SCARF2: variants seen among roughly 807,000 people sequenced by gnomAD.
The protein encoded by SCARF2 is scavenger receptor expressed by endothelial cells 2 protein.
SCARF2 carries 39 observed loss-of-function variants against 73.4 expected under a neutral mutation model. The ratio of observed to expected loss-of-function variants is 0.53; its 90% CI spans 0.41 to 0.69. The LOEUF (loss-of-function observed/expected upper bound fraction) is 0.69, where lower values mean the gene tolerates loss of function less well. Among genes scored for constraint, SCARF2 ranks in the 30% least tolerant of loss-of-function variants. The pLI, the probability that SCARF2 is intolerant of heterozygous loss-of-function variation, is 0.00. For missense variants in SCARF2, 1,148 were observed against 1,303.5 expected, an observed-to-expected ratio of 0.88 and a Z score of 1.84; for synonymous variants, 605 against 590.0, an observed-to-expected ratio of 1.03 and a Z score of -0.37.
In SCARF2 at chr22:20,437,592, G is replaced by C. The variant is rs377462140; in HGVS notation, c.163C>G (p.Arg55Gly). 31 of 1,574,226 alleles carry C rather than the reference G, an allele frequency of 2.0e-5. No individual in the cohort carries two copies. The highest frequency in any genetic ancestry group is 7.0e-5 in the East Asian group (3 of 42,964). ...CAGGCCGGCTCCTACCCGGGAGCAC[G>C]GCACACGTTGCGGCCGCGAGGGTTC... ...ELNPRGRNVC[R>G]APGSQVPTCC... Residue 55 changes from arginine (R) to glycine (G), a missense_variant, in exon 1 of 11, where the codon CGT becomes GGT. By Grantham distance (125) the Arg-to-Gly change is moderately radical (BLOSUM62 -2). Coordinates refer to ENST00000622235, the MANE Select transcript of SCARF2 (RefSeq NM_182895.5).
At chr22:20,428,751 C>G (rs995409645) in intron 9 of SCARF2, among the ~76,000 whole-genome samples, 1 of 152,160 alleles carries the variant, frequency 6.6e-6, no homozygotes, top group Non-Finnish European at 1.5e-5. Flanking sequence ...CACCCCACCC[C>G]CCTATCCTGT....
intron 1 of SCARF2, among the ~76,000 whole-genome samples, chr22:20,435,093 C>T (rs943560787): frequency 3.3e-5 from 5 of 152,192 alleles, no homozygotes; most frequent in African/African-American, 1.2e-4. Context: ...AAGGAGACCT[C>T]ATGGGCCTCA....
Position 20,432,318 on chromosome 22 carries a change from A to G in SCARF2, c.174-330T>C, listed in dbSNP as rs975996281. Among the ~76,000 whole-genome samples, 10 of 152,200 alleles carry G rather than the reference A, an allele frequency of 6.6e-5. No homozygotes were observed. In the South Asian group the frequency reaches 2.1e-3, roughly 31 times the overall value. ...TGAGGCAGCAGCCAGGGAGAAGACCATGGGCCTCAGGACCTGCCCAAATGT... is the reference window on the plus strand; with the variant it reads ...TGAGGCAGCAGCCAGGGAGAAGACCGTGGGCCTCAGGACCTGCCCAAATGT... On this transcript the variant is annotated intron_variant, in intron 1 of 10. Coordinates refer to ENST00000622235, the MANE Select transcript of SCARF2 (RefSeq NM_182895.5).
intron 9 of SCARF2, 76 bp from the exon 10 acceptor site, chr22:20,427,626 A>G (rs763480913): frequency 6.4e-6 from 10 of 1,558,718 alleles, no homozygotes; most frequent in Admixed American, 1.8e-5. Flanking sequence ...CTGCTGTGAC[A>G]AATGTTGATG....
chr22:20,436,637 G>T (rs1362772851), intron 1 of SCARF2, among the ~76,000 whole-genome samples: 1 of 152,118 alleles, frequency 6.6e-6, no homozygotes, highest in African/African-American at 2.4e-5. Context: ...GCCCCGACGC[G>T]ACCCAGCTCG....
chr22:20,431,734 C>T lies in SCARF2; in HGVS notation c.334+11G>A. 5 of 1,561,966 alleles carry T rather than the reference C, an allele frequency of 3.2e-6. No individual in the cohort carries two copies. The highest frequency in any genetic ancestry group is 1.8e-4 in the Middle Eastern group (1 of 5,700). On this transcript the variant is annotated intron_variant, in intron 3 of 10. Transcript: ENST00000622235. ...CCCCACCGACCAATACCGGCCCGAC[C>T]CCACGCTCACTGGTGTCGCAGTTGG... is the stretch of plus-strand genomic sequence containing the variant.
In SCARF2 at chr22:20,425,203, A is replaced by G; in HGVS notation, c.*172T>C. 1 of 496,256 alleles carries G rather than the reference A, an allele frequency of 2.0e-6. No homozygotes were observed. Among genetic ancestry groups the G allele is most frequent in the Non-Finnish European group, 3.2e-6 (1 of 311,792 alleles). The allele number at this position is 496,256 out of a possible 1,614,324, so 30.7% of individuals were successfully genotyped here. On this transcript the variant is annotated 3_prime_UTR_variant, in exon 11 of 11. Coordinates refer to ENST00000622235, the MANE Select transcript of SCARF2 (RefSeq NM_182895.5). The surrounding 1 kb of genome is among the most constrained non-coding windows in gnomAD (Gnocchi z 4.6). ...GGATGGGCCCTTCCCGCCAGAGCAC[A>G]CTGCTCCAATCCAGGAGCGGCTGCA...
At chr22:20,427,293 C>A in intron 10 of SCARF2, 105 bp downstream of exon 10, 1 of 1,412,432 alleles carries the variant, frequency 7.1e-7, no homozygotes, top group Non-Finnish European at 9.8e-7. Context: ...CCAAGGCCTT[C>A]CTCTCCATGC....
intron 3 of SCARF2, 75 bp from the exon 4 acceptor site, chr22:20,431,612 G>A (rs980332550): frequency 6.5e-7 from 1 of 1,542,380 alleles, no homozygotes; most frequent in Non-Finnish European, 8.7e-7. Context: ...GAACCTGCCC[G>A]CGTCCCGCAC....
rs772227736 is a variant in SCARF2 at position 20,427,424 on chromosome 22, C to T, written c.1667G>A (p.Gly556Asp). The T allele has an allele frequency of 7.4e-6, 12 of 1,614,092 alleles. No homozygotes were observed. In the Admixed American group the frequency reaches 1.7e-4, roughly 22 times the overall value. Residue 556 changes from glycine to aspartate, a missense_variant, in exon 10 of 11, where the codon GGC becomes GAC. Gly to Asp is a moderately conservative substitution (Grantham distance 94). Coordinates refer to ENST00000622235, the MANE Select transcript of SCARF2 (RefSeq NM_182895.5). ...CTCATGGGGTACACAGTACACAGGG[C>T]CTTCATCAGTGGTGTCAAACGAGGA... is the stretch of plus-strand genomic sequence containing the variant. Reference protein sequence around the residue: ...SFSSFDTTDEGPVYCVPHEEA... With the variant: ...SFSSFDTTDEDPVYCVPHEEA...
intron 6 of SCARF2, chr22:20,430,043 GT>G: frequency 3.2e-6 from 2 of 631,938 alleles, no homozygotes; most frequent in Middle Eastern, 4.3e-4. Flanking sequence ...CACAACACTA[GT>G]GGGGGGGCCT....
intron 9 of SCARF2, 88 bp from the exon 10 acceptor site, chr22:20,427,638 G>A (rs977576092): frequency 2.7e-6 from 4 of 1,506,086 alleles, no homozygotes; most frequent in Non-Finnish European, 3.6e-6. Context: ...ATGTTGATGG[G>A]GTGACCAAGA....
Position 20,425,354 on chromosome 22 carries a change from G to A in SCARF2, c.*21C>T. Reference sequence around the variant, plus strand: ...GGCGCTGCGAAGCTGAGGGAGCTGCGCGCGGACGAGCCACAGCCTGCTACA... The same window carrying A: ...GGCGCTGCGAAGCTGAGGGAGCTGCACGCGGACGAGCCACAGCCTGCTACA... On this transcript the variant is annotated 3_prime_UTR_variant, in exon 11 of 11. Coordinates refer to ENST00000622235, the MANE Select transcript of SCARF2 (RefSeq NM_182895.5). The surrounding 1 kb of genome is among the most constrained non-coding windows in gnomAD (Gnocchi z 4.6). The A allele has an allele frequency of 1.5e-6, 2 of 1,377,044 alleles. No individual in the cohort carries two copies. Among genetic ancestry groups the A allele is most frequent in the Middle Eastern group, 2.6e-4 (1 of 3,816 alleles). 85.3% of individuals were successfully genotyped at this position (1,377,044 alleles called of 1,614,324 possible).
chr22:20,432,892 A>AT (rs1394076435), intron 1 of SCARF2, among the ~76,000 whole-genome samples: 4 of 152,034 alleles, frequency 2.6e-5, no homozygotes, highest in Non-Finnish European at 4.4e-5. Flanking sequence ...TAATTTTTGT[A>AT]TTTTTACTAG....
At chr22:20,428,299 C>CT (rs998816435) in intron 9 of SCARF2, among the ~76,000 whole-genome samples, 10 of 132,476 alleles carry the variant, frequency 7.5e-5, no homozygotes, top group African/African-American at 2.8e-4. Flanking sequence ...CTTCTCTTCT[C>CT]TTTTTTCTTG....
intron 9 of SCARF2, 35 bp from the exon 10 acceptor site, chr22:20,427,585 A>T (rs202234077): frequency 6.2e-7 from 1 of 1,608,922 alleles, no homozygotes; most frequent in African/African-American, 1.3e-5. Flanking sequence ...CCAGGGGTCC[A>T]CTCTGCCCCA....
Position 20,426,096 on chromosome 22 carries a change from G to A in SCARF2, c.1880C>T (p.Ala627Val), listed in dbSNP as rs1475035263. ...CCGGGCCGGCCGGGCCTCGCGTCGG[G>A]CCACGCGCGCGTACAGAGCCCCTCC... ...GPGGALYARV[A>V]RREARPARAR... Residue 627 changes from alanine to valine, a missense_variant, in exon 11 of 11, where the codon GCC becomes GTC. Physicochemically the swap from Ala to Val is moderately conservative, Grantham distance 64. This residue lies in a region of SCARF2 where 437 missense variants were observed against 433.6 expected (regional missense o/e 1.01). Transcript: ENST00000622235. The A allele has an allele frequency of 1.0e-5, 15 of 1,496,948 alleles. No individual in the cohort carries two copies. The highest frequency in any genetic ancestry group is 2.1e-4 in the Middle Eastern group (1 of 4,724). The allele number at this position is 1,496,948 out of a possible 1,614,324, so 92.7% of individuals were successfully genotyped here.
In SCARF2 at chr22:20,425,575, G is replaced by C. The variant is rs2052564023; in HGVS notation, c.2401C>G (p.Gln801Glu). The change falls in exon 11 of 11, where the codon CAG (glutamine) becomes GAG (glutamate). Residue 801 changes from glutamine (Q) to glutamate (E), a missense_variant. This residue lies in a region of SCARF2 where 169 missense variants were observed against 136.9 expected (regional missense o/e 1.23). Coordinates refer to ENST00000622235, the MANE Select transcript of SCARF2 (RefSeq NM_182895.5). The surrounding 1 kb of genome is among the most constrained non-coding windows in gnomAD (Gnocchi z 4.6). The stretch of plus-strand genomic sequence containing the variant: ...GGCGGCACGGAGCGCTTGGCTTTCT[G>C]TGGGGGCGCCGGCTTTTCCCTGGGG... ...QGPREKPAPP[Q>E]KAKRSVPPAS... The C allele has an allele frequency of 7.4e-7, 1 of 1,342,520 alleles. No individual in the cohort carries two copies. The highest frequency in any genetic ancestry group is 9.5e-7 in the Non-Finnish European group (1 of 1,051,300). 83.2% of individuals were successfully genotyped at this position (1,342,520 alleles called of 1,614,324 possible).
At chr22:20,434,087 T>G (rs1323182870) in intron 1 of SCARF2, among the ~76,000 whole-genome samples, 2 of 152,196 alleles carry the variant, frequency 1.3e-5, no homozygotes, top group South Asian at 2.1e-4. Context: ...AGCTTCAGGC[T>G]CCTTAGCTAT....
Sources: gnomAD v4.1 joint callset for allele counts (sites outside exome capture counted in the v4.1 genomes callset) on GRCh38, gnomAD v4.1.1 for gene constraint, gnomAD v4.1.1 regional missense constraint, Gnocchi (gnomAD v3.1) non-coding constraint, MANE v1.5 for transcripts, NCBI Gene and HGNC (gene_info 2026-07-23, HGNC 2026-07-21) for gene names.